AGTPBP1: variants seen among roughly 807,000 people sequenced by gnomAD.
AGTPBP1 encodes the protein cytosolic carboxypeptidase 1.
Under a neutral mutation model 143.9 loss-of-function variants are expected in AGTPBP1, and 70 were observed. The observed-to-expected ratio is 0.49, with a 90% confidence interval of 0.40 to 0.59. The LOEUF (loss-of-function observed/expected upper bound fraction) is 0.59, where lower values mean the gene tolerates loss of function less well. Ranked by LOEUF, AGTPBP1 falls within the 20% of genes least tolerant of loss-of-function variation. The pLI is 0.00. For missense variants in AGTPBP1, 1,229 were observed against 1,464.5 expected (o/e 0.84, Z 2.62); for synonymous variants, 463 against 500.2 (o/e 0.93, Z 0.99).
At chr9:85,672,007 C>T (rs954252320) in intron 7 of AGTPBP1, among the ~76,000 whole-genome samples, 35 of 152,136 alleles carry the variant, frequency 2.3e-4, no homozygotes, top group Non-Finnish European at 4.0e-4. Context: ...TAGTCATCCT[C>T]CTCACTCCTA....
chr9:85,790,161 C>G, the AGTPBP1 span, among the ~76,000 whole-genome samples: 6 of 152,194 alleles, frequency 3.9e-5, no homozygotes, highest in Admixed American at 3.9e-4. Flanking sequence ...TTTTCAAAAA[C>G]TGAAAATAAA....
At chr9:85,589,730 A>G (rs1372177796) in intron 19 of AGTPBP1, 49 bp from the exon 20 acceptor site, 1 of 1,520,406 alleles carries the variant, frequency 6.6e-7, no homozygotes. Context: ...AAAAGTCCCT[A>G]TGATATACAG....
chr9:85,728,076 C>CACACACACACAT (rs1187459225), intron 1 of AGTPBP1, among the ~76,000 whole-genome samples: 3 of 144,110 alleles, frequency 2.1e-5, no homozygotes, highest in African/African-American at 7.8e-5. Context: ...CACACACACA[C>CACACACACACAT]ATATTTACTT....
chr9:85,554,748 T>C (rs1336760073), intron 25 of AGTPBP1, among the ~76,000 whole-genome samples: 1 of 152,136 alleles, frequency 6.6e-6, no homozygotes, highest in Non-Finnish European at 1.5e-5. Context: ...AGGAAAAATA[T>C]TCCAACAGAA....
At chr9:85,676,186 G>A (rs1170231471) in intron 6 of AGTPBP1, among the ~76,000 whole-genome samples, 1 of 152,090 alleles carries the variant, frequency 6.6e-6, no homozygotes, top group African/African-American at 2.4e-5. Context: ...AATCAAAGCA[G>A]AAACTGACAA....
chr9:85,548,699 A>ATC lies in AGTPBP1; in HGVS notation c.3504-1414_3504-1413insGA, dbSNP rs1491554042. On this transcript the variant is annotated intron_variant, in intron 25 of 25. Coordinates refer to ENST00000357081, the MANE Select transcript of AGTPBP1 (RefSeq NM_001330701.2). ...TGTTTTTGTTTTTGTTTTTTGAGAC[A>ATC]GAGTCTTTCTCTGTTGCCCAGGCTG... Among the ~76,000 whole-genome samples, 7 of 138,786 alleles carry ATC rather than the reference A, an allele frequency of 5.0e-5. No homozygotes were observed. In the East Asian group the frequency reaches 1.4e-3, roughly 27 times the overall value. 91.0% of individuals were successfully genotyped at this position (138,786 alleles called of 152,430 possible).
chr9:85,634,743 G>C (rs1012336348), intron 13 of AGTPBP1, among the ~76,000 whole-genome samples: 1 of 151,986 alleles, frequency 6.6e-6, no homozygotes, highest in African/African-American at 2.4e-5. Context: ...AAATCTTTTT[G>C]CAAAGAGTTT....
chr9:85,753,458 A>C, the AGTPBP1 span: 1 of 1,611,044 alleles, frequency 6.2e-7, no homozygotes, highest in East Asian at 2.2e-5. Context: ...GTTTCTCTTC[A>C]ATCTGATGGT....
chr9:85,679,434 G>C (rs1402553873), intron 4 of AGTPBP1, among the ~76,000 whole-genome samples: 1 of 151,580 alleles, frequency 6.6e-6, no homozygotes, highest in East Asian at 1.9e-4. Flanking sequence ...TTGAGACGGA[G>C]TCTCGCTCTG....
chr9:85,572,617 G>A (rs572772808), intron 25 of AGTPBP1, among the ~76,000 whole-genome samples: 39 of 152,238 alleles, frequency 2.6e-4, no homozygotes, highest in Non-Finnish European at 4.7e-4. Flanking sequence ...GACCAGTGGA[G>A]GGCCTAATCA....
intron 6 of AGTPBP1, among the ~76,000 whole-genome samples, chr9:85,677,107 C>T (rs1030973337): frequency 6.6e-6 from 1 of 152,070 alleles, no homozygotes; most frequent in African/African-American, 2.4e-5. Context: ...GAAGGAATAA[C>T]ATCCAGTGGT....
the AGTPBP1 span, among the ~76,000 whole-genome samples, chr9:85,760,140 C>T: frequency 6.6e-6 from 1 of 152,048 alleles, no homozygotes; most frequent in Non-Finnish European, 1.5e-5. Context: ...GCTTACCAAC[C>T]GAAAAAAGTC....
At chr9:85,656,600 T>C (rs1166881622) in intron 10 of AGTPBP1, among the ~76,000 whole-genome samples, 1 of 151,968 alleles carries the variant, frequency 6.6e-6, no homozygotes, top group Admixed American at 6.6e-5. Flanking sequence ...AATTATAGCT[T>C]TCTTAAAAAA....
intron 1 of AGTPBP1, chr9:85,741,229 G>C (rs538870703): frequency 2.0e-6 from 2 of 985,458 alleles, no homozygotes; most frequent in Non-Finnish European, 2.4e-6. Context: ...CACCCAGCGA[G>C]AGGAAGCAAA....
the AGTPBP1 span, among the ~76,000 whole-genome samples, chr9:85,752,049 T>C: frequency 4.6e-5 from 7 of 151,578 alleles, no homozygotes; most frequent in African/African-American, 1.7e-4. Context: ...GCCAACATGG[T>C]AAAACCCTAT....
At chr9:85,603,530 G>T (rs1403469196) in intron 17 of AGTPBP1, among the ~76,000 whole-genome samples, 2 of 152,162 alleles carry the variant, frequency 1.3e-5, no homozygotes, top group Non-Finnish European at 2.9e-5. Context: ...AGTTCTCACT[G>T]CAAGCCTTGG....
chr9:85,782,484 C>T, the AGTPBP1 span, among the ~76,000 whole-genome samples: 1 of 151,960 alleles, frequency 6.6e-6, no homozygotes, highest in Non-Finnish European at 1.5e-5. Context: ...CATTGCACCC[C>T]GACCTGGGCC....
At chr9:85,664,874 G>GA (rs1203891242) in intron 8 of AGTPBP1, among the ~76,000 whole-genome samples, 2 of 152,178 alleles carry the variant, frequency 1.3e-5, no homozygotes, top group African/African-American at 4.8e-5. Flanking sequence ...CCATTACTAA[G>GA]AAGCCTTCTT....
At chr9:85,704,288 G>A (rs1306349162) in intron 2 of AGTPBP1, among the ~76,000 whole-genome samples, 12 of 152,106 alleles carry the variant, frequency 7.9e-5, no homozygotes, top group Non-Finnish European at 5.9e-5. Context: ...GAGCTGCACA[G>A]AGAAAACTCC....
Sources: gnomAD v4.1 joint callset for allele counts (sites outside exome capture counted in the v4.1 genomes callset) on GRCh38, gnomAD v4.1.1 for gene constraint, MANE v1.5 for transcripts, NCBI Gene and HGNC (gene_info 2026-07-23, HGNC 2026-07-21) for gene names.